The following GATAD2A variants were observed in gnomAD, a reference collection of about 807,000 sequenced individuals.
GATAD2A encodes GATA zinc finger domain containing 2A.
A neutral mutation model predicts 68.5 loss-of-function variants in GATAD2A; 12 were observed. That is an observed-to-expected ratio of 0.18 (90% CI 0.11 to 0.28). The LOEUF is 0.28. Ranked by LOEUF, GATAD2A falls within the 10% of genes least tolerant of loss-of-function variation. The pLI, the probability that GATAD2A is intolerant of heterozygous loss-of-function variation, is 1.00. For synonymous variants in GATAD2A, 410 were observed against 375.3 expected, an observed-to-expected ratio of 1.09 and a Z score of -1.07; for missense variants, 755 against 868.5, an observed-to-expected ratio of 0.87 and a Z score of 1.64.
chr19:19,475,773 A>G (rs544500083), intron 2 of GATAD2A, among the ~76,000 whole-genome samples: 3 of 151,990 alleles, frequency 2.0e-5, no homozygotes, highest in Non-Finnish European at 4.4e-5. Flanking sequence ...CTTGTTCTCT[A>G]TGTCACCCCT....
At chr19:19,436,618 C>T (rs2054384023) in intron 1 of GATAD2A, among the ~76,000 whole-genome samples, 1 of 152,206 alleles carries the variant, frequency 6.6e-6, no homozygotes, top group Non-Finnish European at 1.5e-5. Flanking sequence ...CACACTGGTT[C>T]TTGGAGCTGG....
rs948013809 is a variant in GATAD2A, at chr19:19,505,578, G to T, written c.*104G>T. The T allele has an allele frequency of 1.9e-6, 2 of 1,056,642 alleles. No individual in the cohort carries two copies. The allele number at this position is 1,056,642 out of a possible 1,614,324, so 65.5% of individuals were successfully genotyped here. ...CTCCGCTGGCTCGGGAAGACACCGT[G>T]CCCGCCCCAAGAGCAAGCACCGGCC... On this transcript the variant is annotated 3_prime_UTR_variant, in exon 12 of 12. Transcript: ENST00000683918.
intron 1 of GATAD2A, among the ~76,000 whole-genome samples, chr19:19,428,804 G>T (rs893590917): frequency 6.6e-6 from 1 of 152,302 alleles, no homozygotes; most frequent in South Asian, 2.1e-4. Flanking sequence ...TCAATTCTCA[G>T]TGGTGGCCTG....
At chr19:19,454,137 A>G (rs1037020895) in intron 1 of GATAD2A, among the ~76,000 whole-genome samples, 1 of 151,868 alleles carries the variant, frequency 6.6e-6, no homozygotes, top group African/African-American at 2.4e-5. Context: ...AGCCGGGAGT[A>G]TAGGTATGCG....
At chr19:19,400,962 G>A (rs1426579436), upstream of GATAD2A, among the ~76,000 whole-genome samples, 6 of 151,816 alleles carry the variant, frequency 4.0e-5, no homozygotes, top group East Asian at 3.9e-4. Context: ...CTAACATGGC[G>A]AAACCCTGTC....
intron 1 of GATAD2A, among the ~76,000 whole-genome samples, chr19:19,454,686 T>G (rs1419307412): frequency 2.0e-5 from 3 of 151,250 alleles, no homozygotes; most frequent in Non-Finnish European, 4.4e-5. Flanking sequence ...TCCTCCCTCC[T>G]TGGCCTCCCA....
intron 1 of GATAD2A, among the ~76,000 whole-genome samples, chr19:19,450,689 C>G (rs2056278470): frequency 6.9e-6 from 1 of 144,150 alleles, no homozygotes; most frequent in Admixed American, 7.0e-5. Flanking sequence ...CAGGTGAATA[C>G]AAGTGTGGCC....
At chr19:19,418,103 TA>T (rs988507124) in intron 1 of GATAD2A, among the ~76,000 whole-genome samples, 1 of 152,110 alleles carries the variant, frequency 6.6e-6, no homozygotes, top group Non-Finnish European at 1.5e-5. Flanking sequence ...TCTTTGGTTT[TA>T]GGGGTAGTGA....
chr19:19,492,445 C>CA lies in GATAD2A; in HGVS notation c.402+8dup, dbSNP rs1431383404. On this transcript the variant is annotated splice_region_variant and intron_variant, in intron 3 of 11. Coordinates refer to ENST00000683918, the MANE Select transcript of GATAD2A (RefSeq NM_001384528.1). ...TAGCACCGAGGCCCTCATGGTGAGC[C>CA]ACGTGTTGGCGCTGCCGCCGGAGCC... 1 of 1,613,900 alleles carries CA rather than the reference C, an allele frequency of 6.2e-7. No individual in the cohort carries two copies. Among genetic ancestry groups the CA allele is most frequent in the Admixed American group, 1.7e-5 (1 of 60,018 alleles).
intron 1 of GATAD2A, among the ~76,000 whole-genome samples, chr19:19,409,014 CTTTTTTT>C (rs5827448): frequency 6.0e-5 from 7 of 116,514 alleles, no homozygotes; most frequent in Admixed American, 5.4e-4. Context: ...GAAATGTTGG[CTTTTTTT>C]TTTTTTTTTT....
intron 2 of GATAD2A, among the ~76,000 whole-genome samples, chr19:19,488,724 G>A (rs1454164330): frequency 6.6e-6 from 1 of 152,200 alleles, no homozygotes; most frequent in African/African-American, 2.4e-5. Context: ...TCAGCGAGCG[G>A]GTGAGACCAT....
intron 1 of GATAD2A, among the ~76,000 whole-genome samples, chr19:19,432,563 A>G (rs919671685): frequency 6.6e-6 from 1 of 152,196 alleles, no homozygotes; most frequent in Admixed American, 6.5e-5. Context: ...CAGCCTCCCA[A>G]AGTGCTGGGA....
Position 19,494,282 on chromosome 19 carries a change from G to A in GATAD2A, c.535-12G>A. On this transcript the variant is annotated splice_polypyrimidine_tract_variant and intron_variant, in intron 4 of 11. Transcript: ENST00000683918. Reference sequence around the variant, plus strand: ...GTGGCCCCTCACCTCCTGGTGTCCTGCTCTCTTGCAGCCCACAGGTTCTGT... The same window carrying A: ...GTGGCCCCTCACCTCCTGGTGTCCTACTCTCTTGCAGCCCACAGGTTCTGT... 6.3e-7 allele frequency: 1 copy of A among 1,575,082 alleles called. No individual in the cohort carries two copies. Among genetic ancestry groups the A allele is most frequent in the Non-Finnish European group, 8.7e-7 (1 of 1,146,204 alleles).
At chr19:19,419,493 T>C (rs899989355) in intron 1 of GATAD2A, among the ~76,000 whole-genome samples, 2 of 151,118 alleles carry the variant, frequency 1.3e-5, no homozygotes. Flanking sequence ...ATCCTGGGTC[T>C]GTAATGATCT....
intron 2 of GATAD2A, among the ~76,000 whole-genome samples, chr19:19,467,680 T>C (rs1028594478): frequency 1.3e-5 from 2 of 152,338 alleles, no homozygotes; most frequent in Middle Eastern, 3.4e-3. Context: ...TGCTAACTTA[T>C]TACCATCTTA....
chr19:19,429,999 A>G (rs939568573), intron 1 of GATAD2A, among the ~76,000 whole-genome samples: 1 of 152,050 alleles, frequency 6.6e-6, no homozygotes, highest in Admixed American at 6.5e-5. Flanking sequence ...TGCTGTGGCT[A>G]GGGCTACCTC....
intron 1 of GATAD2A, among the ~76,000 whole-genome samples, chr19:19,425,693 A>G (rs1044235820): frequency 4.6e-5 from 7 of 152,164 alleles, no homozygotes; most frequent in Non-Finnish European, 7.4e-5. Flanking sequence ...CCTGGCAGAC[A>G]GCTCCCCAGT....
At chr19:19,476,433 G>A (rs2058681929) in intron 2 of GATAD2A, among the ~76,000 whole-genome samples, 1 of 152,238 alleles carries the variant, frequency 6.6e-6, no homozygotes, top group African/African-American at 2.4e-5. Context: ...CCTGTAGCGG[G>A]TTATTTAAAT....
intron 1 of GATAD2A, among the ~76,000 whole-genome samples, chr19:19,387,692 C>T (rs10422522): frequency 0.035 from 5,326 of 152,186 alleles, 325 homozygotes; most frequent in African/African-American, 0.12. Context: ...CTGACTGGAT[C>T]GTTAGTTTTC....
Sources: allele counts gnomAD v4.1 joint callset (sites outside exome capture counted in the v4.1 genomes callset), GRCh38; gene constraint gnomAD v4.1.1; transcripts MANE v1.5; gene names NCBI Gene and HGNC (gene_info 2026-07-23, HGNC 2026-07-21).